PPP4R3B: variants seen among roughly 807,000 people sequenced by gnomAD.
PPP4R3B encodes the protein serine/threonine-protein phosphatase 4 regulatory subunit 3B.
Under a neutral mutation model 95.4 loss-of-function variants are expected in PPP4R3B, and 52 were observed. The observed-to-expected ratio is 0.54, with a 90% CI of 0.44 to 0.69. PPP4R3B has a LOEUF of 0.69. Among genes scored for constraint, PPP4R3B ranks in the 30% least tolerant of loss-of-function variants. PPP4R3B has a pLI of 0.00. For missense variants in PPP4R3B, 1,003 were observed against 1,005.9 expected (o/e 1.00, Z 0.04); for synonymous variants, 407 against 343.9 (o/e 1.18, Z -2.03).
At chr2:55,557,385 G>A (rs1230845519) in intron 16 of PPP4R3B, among the ~76,000 whole-genome samples, 1 of 152,078 alleles carries the variant, frequency 6.6e-6, no homozygotes, top group Non-Finnish European at 1.5e-5. Flanking sequence ...TAGAGATGGG[G>A]TCTCACCTTG....
chr2:55,557,640 A>C (rs1283630895), intron 16 of PPP4R3B, among the ~76,000 whole-genome samples: 1 of 152,220 alleles, frequency 6.6e-6, no homozygotes, highest in African/African-American at 2.4e-5. Flanking sequence ...ATACTACTGA[A>C]TGAAAATTCT....
intron 15 of PPP4R3B, among the ~76,000 whole-genome samples, chr2:55,561,359 A>G (rs1686592372): frequency 6.6e-6 from 1 of 152,242 alleles, no homozygotes; most frequent in Non-Finnish European, 1.5e-5. Context: ...AAGAACCTCT[A>G]CTAGGGCAGT....
chr2:55,556,761 C>A (rs995299757), intron 16 of PPP4R3B, among the ~76,000 whole-genome samples: 1 of 152,078 alleles, frequency 6.6e-6, no homozygotes, highest in African/African-American at 2.4e-5. Context: ...TACTACCTTA[C>A]CCCTTTTTAA....
chr2:55,592,827 CTGTT>C (rs1691221274), intron 4 of PPP4R3B, among the ~76,000 whole-genome samples: 1 of 152,140 alleles, frequency 6.6e-6, no homozygotes, highest in Non-Finnish European at 1.5e-5. Context: ...TATTCTATAA[CTGTT>C]TGTGCAGAAA....
rs1684911325 is a variant in PPP4R3B at position 55,548,261 on chromosome 2, GTTTATAATAAATATTTATGGATAA to G, written c.*1626_*1649del. The G allele has an allele frequency of 6.6e-6, 1 of 152,554 alleles. No individual in the cohort carries two copies. The highest frequency in any genetic ancestry group is 1.5e-5 in the Non-Finnish European group (1 of 68,032). The allele number at this position is 152,554 out of a possible 1,614,324, so 9.5% of individuals were successfully genotyped here. A position where few individuals can be genotyped will look rare whatever the true frequency, so the allele number is the denominator to read the frequency against. ...ATTAAAATTGGGGTATGATCTAGCA[GTTTATAATAAATATTTATGGATAA>G]TTTTATTGGCTTTTAAAAGATACTG... On this transcript the variant is annotated 3_prime_UTR_variant, in exon 17 of 17. Coordinates refer to ENST00000616407, the MANE Select transcript of PPP4R3B (RefSeq NM_001122964.3).
In PPP4R3B at chr2:55,581,603, A is replaced by C; in HGVS notation, c.1329T>G (p.Thr443=). Residue 443 remains threonine, a synonymous_variant, in exon 8 of 17, where the codon ACT becomes ACG. Coordinates refer to ENST00000616407, the MANE Select transcript of PPP4R3B (RefSeq NM_001122964.3). ...CCAGCATGTTCTCTGGATCAATTAG[A>C]GTACGAAGAAGTCCCATTAACTGAA... ...GAVQLMGLLR[T]LIDPENMLAT... 6.2e-7 allele frequency: 1 copy of C among 1,613,620 alleles called. No homozygotes were observed. The highest frequency in any genetic ancestry group is 8.5e-7 in the Non-Finnish European group (1 of 1,179,740).
At chr2:55,591,599 T>C (rs1324932386) in intron 4 of PPP4R3B, 12 of 983,484 alleles carry the variant, frequency 1.2e-5, no homozygotes, top group Non-Finnish European at 1.3e-5. Flanking sequence ...TTTTTCAAAA[T>C]ATTTTCATAA....
intron 5 of PPP4R3B, 77 bp downstream of exon 5, chr2:55,588,802 G>C: frequency 2.2e-6 from 2 of 893,472 alleles, no homozygotes. Context: ...ATTGTCTCAA[G>C]TTAGCAAATT....
Position 55,549,976 on chromosome 2 carries a change from C to T in PPP4R3B, c.2485G>A (p.Asp829Asn). 1 of 1,612,598 alleles carries T rather than the reference C, an allele frequency of 6.2e-7. No individual in the cohort carries two copies. Among genetic ancestry groups the T allele is most frequent in the East Asian group, 2.2e-5 (1 of 44,802 alleles). The change falls in exon 17 of 17, where the codon GAT (aspartate) becomes AAT (asparagine). Residue 829 changes from aspartate (D) to asparagine (N), a missense_variant. Asp to Asn is a conservative substitution (Grantham distance 23). Around this residue, in one of 3 missense-constraint regions of PPP4R3B, gnomAD observed 229 missense variants for 194.7 expected, o/e 1.18. Transcript: ENST00000616407. ...TCTTCTTCATCTTCCTCTTCATCAT[C>T]TGGATAATCCACTAAGCCAACCAAA... ...GSLVGLVDYPDDEEEDEEEES... is the reference protein window; with the variant it reads ...GSLVGLVDYPNDEEEDEEEES...
intron 6 of PPP4R3B, 145 bp downstream of exon 6, chr2:55,586,473 T>A (rs902339739): frequency 1.2e-5 from 6 of 510,118 alleles, no homozygotes; most frequent in African/African-American, 2.0e-5. Context: ...TAAATAAAAA[T>A]CTGAAACTGA....
At chr2:55,611,534 G>C (rs1048689425) in intron 2 of PPP4R3B, among the ~76,000 whole-genome samples, 2 of 152,190 alleles carry the variant, frequency 1.3e-5, no homozygotes, top group Non-Finnish European at 2.9e-5. Flanking sequence ...GGAAGAAAGT[G>C]ATGTGAATCA....
At position 55,573,728 on chromosome 2, in the gene PPP4R3B, T is replaced by C. The variant is rs76205247; in HGVS notation, c.1656A>G (p.Thr552=). 1,885 of 1,541,246 alleles carry C rather than the reference T, an allele frequency of 1.2e-3. 24 individuals are homozygous for C. In the African/African-American group the frequency reaches 0.023, roughly 19 times the overall value. The change falls in exon 12 of 17, where the codon ACA becomes ACG. Residue 552 remains threonine (T), a synonymous_variant. Transcript: ENST00000616407. Reference sequence around the variant, plus strand: ...GATATGTGTGATGTTCCACACAAAATGTGAGTAACTCTAAAATTAAGGCAA... The same window carrying C: ...GATATGTGTGATGTTCCACACAAAACGTGAGTAACTCTAAAATTAAGGCAA... The part of the protein sequence containing the change: ...QLLALILELL[T]FCVEHHTYHI...
Position 55,573,771 on chromosome 2 carries a change from T to C in PPP4R3B, c.1613A>G (p.Tyr538Cys). ...TAAGGCAAGTAGCTGTGCTGTTTGA[T>C]AATTATCTACAAAAGAAAGTAATCT... ...NKNNTICPDN[Y>C]QTAQLLALIL... Residue 538 changes from tyrosine to cysteine, a missense_variant, in exon 12 of 17, where the codon TAT becomes TGT. Physicochemically the swap from Tyr to Cys is radical, Grantham distance 194. Transcript: ENST00000616407. The C allele has an allele frequency of 1.3e-6, 2 of 1,505,182 alleles. No homozygotes were observed. Among genetic ancestry groups the C allele is most frequent in the Non-Finnish European group, 1.8e-6 (2 of 1,131,962 alleles). The allele number at this position is 1,505,182 out of a possible 1,614,324, so 93.2% of individuals were successfully genotyped here.
intron 16 of PPP4R3B, among the ~76,000 whole-genome samples, chr2:55,554,368 A>G (rs1685586306): frequency 6.6e-6 from 1 of 152,208 alleles, no homozygotes; most frequent in South Asian, 2.1e-4. Flanking sequence ...GTGCTATTTT[A>G]TATTCTCACT....
At chr2:55,578,764 T>C (rs1689037041) in intron 9 of PPP4R3B, among the ~76,000 whole-genome samples, 1 of 152,114 alleles carries the variant, frequency 6.6e-6, no homozygotes, top group Non-Finnish European at 1.5e-5. Flanking sequence ...GTTTCAACTT[T>C]ATTAGTTTCA....
At chr2:55,579,457 A>G (rs1328223827) in intron 9 of PPP4R3B, among the ~76,000 whole-genome samples, 1 of 152,004 alleles carries the variant, frequency 6.6e-6, no homozygotes, top group Non-Finnish European at 1.5e-5. Flanking sequence ...CCGTAGCAAC[A>G]AACTATAGAA....
At chr2:55,557,624 C>T (rs963797406) in intron 16 of PPP4R3B, among the ~76,000 whole-genome samples, 2 of 152,210 alleles carry the variant, frequency 1.3e-5, no homozygotes, top group African/African-American at 2.4e-5. Flanking sequence ...AAGAGCCTAT[C>T]TCACTATACT....
At chr2:55,592,061 G>T (rs1691105700) in intron 4 of PPP4R3B, among the ~76,000 whole-genome samples, 1 of 152,120 alleles carries the variant, frequency 6.6e-6, no homozygotes, top group Non-Finnish European at 1.5e-5. Flanking sequence ...AAAAAAAGAG[G>T]TTGCTTCTAA....
At chr2:55,569,910 A>G (rs1687790160) in intron 12 of PPP4R3B, among the ~76,000 whole-genome samples, 2 of 152,216 alleles carry the variant, frequency 1.3e-5, no homozygotes, top group African/African-American at 4.8e-5. Flanking sequence ...TCCTGATGCC[A>G]GATGCCAATC....
Sources: allele counts gnomAD v4.1 joint callset (sites outside exome capture counted in the v4.1 genomes callset), GRCh38; gene constraint gnomAD v4.1.1; regional missense constraint gnomAD v4.1.1; transcripts MANE v1.5; gene names NCBI Gene and HGNC (gene_info 2026-07-23, HGNC 2026-07-21).